The following PCDHA5 variants were observed in gnomAD, a reference collection of about 807,000 sequenced individuals.
The protein encoded by PCDHA5 is protocadherin alpha 5.
PCDHA5 carries 43 observed loss-of-function variants against 61.6 expected under a neutral mutation model. The observed-to-expected ratio is 0.70, with a 90% confidence interval of 0.55 to 0.90. The LOEUF is 0.90. PCDHA5 is among the 40% of genes least tolerant of loss of function. The pLI is 0.00. For synonymous variants in PCDHA5, 627 were observed against 543.9 expected (o/e 1.15, Z -2.13); for missense variants, 1,298 against 1,222.7 (o/e 1.06, Z -0.92).
intron 1 of PCDHA5, among the ~76,000 whole-genome samples, chr5:140,844,861 A>G (rs1302890779): frequency 2.7e-5 from 4 of 149,288 alleles, no homozygotes; most frequent in African/African-American, 4.9e-5. Flanking sequence ...ACCTGCCTGG[A>G]TATTAAATAC....
intron 3 of PCDHA5, among the ~76,000 whole-genome samples, chr5:141,003,429 A>G (rs782300910): frequency 6.6e-5 from 10 of 152,138 alleles, no homozygotes; most frequent in Non-Finnish European, 1.3e-4. Flanking sequence ...CTTATGCCTC[A>G]GCCTCCCAAG....
At chr5:140,883,987 G>C (rs782597930) in intron 1 of PCDHA5, 4 of 1,612,956 alleles carry the variant, frequency 2.5e-6, no homozygotes, top group Admixed American at 1.7e-5. Context: ...CTGGCAGCGC[G>C]GGAGGCACAG....
chr5:141,008,579 T>C (rs1554261820), intron 3 of PCDHA5, among the ~76,000 whole-genome samples: 1 of 152,232 alleles, frequency 6.6e-6, no homozygotes, highest in African/African-American at 2.4e-5. Flanking sequence ...TTCCCAAGAC[T>C]CAGGGCAGAT....
intron 1 of PCDHA5, chr5:140,928,490 CT>C: frequency 1.2e-6 from 2 of 1,614,150 alleles, no homozygotes; most frequent in Non-Finnish European, 1.7e-6. Context: ...GGTGGCATTC[CT>C]CCCAGAAGTG....
intron 1 of PCDHA5, chr5:140,862,885 A>C (rs782336518): frequency 3.5e-6 from 2 of 563,674 alleles, no homozygotes; most frequent in Admixed American, 3.8e-5. Flanking sequence ...TAGTGCTGGA[A>C]CGACAACTTT....
At chr5:140,909,927 TCA>T (rs781847647) in intron 1 of PCDHA5, among the ~76,000 whole-genome samples, 6 of 152,150 alleles carry the variant, frequency 3.9e-5, no homozygotes, top group African/African-American at 9.7e-5. Flanking sequence ...CTTTCCCCAA[TCA>T]CAGTTACTCT....
chr5:140,890,097 C>G (rs1554184163), intron 1 of PCDHA5, among the ~76,000 whole-genome samples: 1 of 152,136 alleles, frequency 6.6e-6, no homozygotes, highest in African/African-American at 2.4e-5. Context: ...AATTTATTCC[C>G]AACTCTGGAT....
chr5:140,845,639 C>T (rs1007088730), intron 1 of PCDHA5, among the ~76,000 whole-genome samples: 1 of 149,600 alleles, frequency 6.7e-6, no homozygotes, highest in East Asian at 1.9e-4. Context: ...AAATCAAGTC[C>T]TCCCTTTACC....
chr5:140,831,512 C>T (rs1771575949), intron 1 of PCDHA5, among the ~76,000 whole-genome samples: 1 of 137,596 alleles, frequency 7.3e-6, no homozygotes, highest in African/African-American at 2.9e-5. Flanking sequence ...CACCACCATG[C>T]CCCCCACCTT....
At chr5:140,843,209 G>T (rs2150355357) in intron 1 of PCDHA5, 1 of 1,595,962 alleles carries the variant, frequency 6.3e-7, no homozygotes, top group African/African-American at 1.3e-5. Flanking sequence ...GTACACGGGC[G>T]AGATCAGCAC....
intron 1 of PCDHA5, chr5:140,836,013 C>T: frequency 1.9e-6 from 3 of 1,613,378 alleles, no homozygotes; most frequent in Non-Finnish European, 2.5e-6. Flanking sequence ...GGGCGTGCCG[C>T]CTCTGGGCAG....
At chr5:140,837,457 C>T (rs1554136474) in intron 1 of PCDHA5, among the ~76,000 whole-genome samples, 2 of 151,816 alleles carry the variant, frequency 1.3e-5, no homozygotes, top group Non-Finnish European at 2.9e-5. Context: ...AAAAAATCTC[C>T]TTGCCTCCTC....
intron 1 of PCDHA5, chr5:140,828,635 G>GTGAAAATAAACAGTGA (rs2150157633): frequency 6.2e-7 from 1 of 1,614,212 alleles, no homozygotes; most frequent in Non-Finnish European, 8.5e-7. Flanking sequence ...CGGGCTAGAT[G>GTGAAAATAAACAGTGA]TGAAAATAAA....
intron 1 of PCDHA5, chr5:140,853,593 G>C (rs2042798259): frequency 1.0e-6 from 1 of 986,850 alleles, no homozygotes; most frequent in Admixed American, 6.3e-5. Flanking sequence ...TAGACACTTT[G>C]AGAGCAAAGG....
At position 140,923,318 on chromosome 5, in the gene PCDHA5, A is replaced by G. The variant is rs189105018; in HGVS notation, c.2353-55631A>G. Among the ~76,000 whole-genome samples the G allele has an allele frequency of 8.1e-3, 1,226 of 152,276 alleles. 6 individuals are homozygous for G. The highest frequency in any genetic ancestry group is 0.019 in the African/African-American group (794 of 41,558). On this transcript the variant is annotated intron_variant, in intron 1 of 3. Transcript: ENST00000529859. ...CTGGGCGTGGGGGCGCTTGGCCTAG[A>G]AGTTCAAGGACAGTTTGGGCAACAT...
At chr5:140,828,421 G>A (rs2150155146) in intron 1 of PCDHA5, 29 of 1,614,142 alleles carry the variant, frequency 1.8e-5, no homozygotes, top group East Asian at 1.1e-4. Context: ...AGGTGATCGT[G>A]GACAGGCCGC....
chr5:141,001,401 G>A (rs190876782), intron 3 of PCDHA5, among the ~76,000 whole-genome samples: 12 of 152,314 alleles, frequency 7.9e-5, no homozygotes, highest in African/African-American at 2.4e-4. Context: ...AGAGAACAGG[G>A]AGTATATTTT....
chr5:140,850,234 T>A lies in PCDHA5; in HGVS notation c.2352+26107T>A, dbSNP rs2150474836. The A allele has an allele frequency of 8.5e-5, 136 of 1,593,694 alleles. 18 individuals carry two copies. Among genetic ancestry groups the A allele is most frequent in the Non-Finnish European group, 1.1e-4 (134 of 1,167,462 alleles). Reference sequence around the variant, plus strand: ...GGCACTGACGGCGCAGTGAGCGAGATGGTGCTGCGGTCGGTGGGCGCCGGC... The same window carrying A: ...GGCACTGACGGCGCAGTGAGCGAGAAGGTGCTGCGGTCGGTGGGCGCCGGC... On this transcript the variant is annotated intron_variant, in intron 1 of 3. Coordinates refer to ENST00000529859, the MANE Select transcript of PCDHA5 (RefSeq NM_018908.3).
At chr5:140,909,438 T>C (rs2074496860) in intron 1 of PCDHA5, among the ~76,000 whole-genome samples, 1 of 152,222 alleles carries the variant, frequency 6.6e-6, no homozygotes, top group Non-Finnish European at 1.5e-5. Context: ...GATAATCCAC[T>C]GTCATTCTCC....
Sources: allele counts gnomAD v4.1 joint callset (sites outside exome capture counted in the v4.1 genomes callset), GRCh38; gene constraint gnomAD v4.1.1; transcripts MANE v1.5; gene names NCBI Gene and HGNC (gene_info 2026-07-23, HGNC 2026-07-21).